The following CDHR4 variants were observed in gnomAD, a reference collection of about 807,000 sequenced individuals.
CDHR4 encodes cadherin-related family member 4.
In CDHR4, 89 loss-of-function variants were observed where a neutral mutation model predicts 88.4. That is an observed-to-expected ratio of 1.01 (90% CI 0.85 to 1.20). CDHR4 has a LOEUF of 1.20. Ranked by LOEUF, CDHR4 falls within the 50% of genes most tolerant of loss-of-function variation. CDHR4 has a pLI of 0.00. For missense variants in CDHR4, 914 were observed against 1,007.2 expected (o/e 0.91, Z 1.25); for synonymous variants, 368 against 399.2 (o/e 0.92, Z 0.93).
chr3:49,802,194 G>A (rs1350387275), upstream of CDHR4, among the ~76,000 whole-genome samples: 1 of 146,380 alleles, frequency 6.8e-6, no homozygotes, highest in Non-Finnish European at 1.5e-5. Flanking sequence ...TTTTTTTTGA[G>A]ACGGAGTCTC....
At position 49,795,622 on chromosome 3, in the gene CDHR4, T is replaced by C; in HGVS notation, c.847+6A>G. ...GTACCTGCCCCCACCCCCCAACACC[T>C]CTCACCACGACCAATGGAGAAGAGT... On this transcript the variant is annotated splice_donor_region_variant and intron_variant, in intron 7 of 18. Transcript: ENST00000412678. This position sits in a 1 kb window ranked among gnomAD's most constrained non-coding sequence, Gnocchi z 5.4. The C allele has an allele frequency of 6.4e-7, 1 of 1,550,998 alleles. No individual in the cohort carries two copies. Among genetic ancestry groups the C allele is most frequent in the Non-Finnish European group, 8.7e-7 (1 of 1,146,794 alleles).
chr3:49,794,876 G>T, intron 9 of CDHR4, 71 bp downstream of exon 9: 1 of 1,535,684 alleles, frequency 6.5e-7, no homozygotes, highest in South Asian at 1.2e-5. Flanking sequence ...TGGTCTCAGA[G>T]ACCCTTGGCC....
At chr3:49,793,376 C>G (rs2081213281) in intron 12 of CDHR4, 65 bp from the exon 13 acceptor site, 3 of 1,518,332 alleles carry the variant, frequency 2.0e-6, no homozygotes, top group Non-Finnish European at 2.7e-6. Context: ...GCCAGCCCCT[C>G]AACTTCTTCT....
upstream of CDHR4, among the ~76,000 whole-genome samples, chr3:49,802,827 C>A (rs149038898): frequency 2.6e-5 from 4 of 152,344 alleles, no homozygotes; most frequent in Non-Finnish European, 5.9e-5. Flanking sequence ...AGTCCTCAGA[C>A]GGGCTGAACC....
At chr3:49,796,773 G>T in intron 5 of CDHR4, 149 bp downstream of exon 5, 1 of 634,770 alleles carries the variant, frequency 1.6e-6, no homozygotes, top group South Asian at 1.8e-5. Flanking sequence ...AAGCTAAGGT[G>T]GGAGGACAGA....
intron 15 of CDHR4, 83 bp from the exon 16 acceptor site, chr3:49,792,042 T>A: frequency 7.3e-7 from 1 of 1,369,564 alleles, no homozygotes; most frequent in Non-Finnish European, 1.0e-6. Context: ...CCCATTCCTT[T>A]ATATTGGGAA....
chr3:49,799,238 T>C lies in CDHR4; in HGVS notation c.240+9A>G. On this transcript the variant is annotated intron_variant, in intron 2 of 18. Coordinates refer to ENST00000412678, the MANE Select transcript of CDHR4 (RefSeq NM_001007540.4). ...CCCCCACAGTCCCCAGCTGTACACATGACCCTACCTTGCCCACATAGGTCC... is the reference window on the plus strand; with the variant it reads ...CCCCCACAGTCCCCAGCTGTACACACGACCCTACCTTGCCCACATAGGTCC... The C allele has an allele frequency of 6.2e-7, 1 of 1,613,250 alleles. No homozygotes were observed. Among genetic ancestry groups the C allele is most frequent in the Admixed American group, 1.7e-5 (1 of 59,960 alleles).
intron 10 of CDHR4, 38 bp downstream of exon 10, chr3:49,794,570 C>A: frequency 6.7e-7 from 1 of 1,495,098 alleles, no homozygotes. Context: ...GACAGAACAG[C>A]CTTGTCCTGG....
chr3:49,794,919 A>T, intron 9 of CDHR4, 28 bp downstream of exon 9: 1 of 1,551,342 alleles, frequency 6.4e-7, no homozygotes, highest in South Asian at 1.2e-5. Context: ...GCACCCTGCA[A>T]GTGGGTCTGG....
chr3:49,799,660 A>G, intron 1 of CDHR4, 104 bp downstream of exon 1: 2 of 1,315,742 alleles, frequency 1.5e-6, no homozygotes, highest in South Asian at 1.3e-5. Context: ...AGATTCTTAC[A>G]CTTTCCTACC....
chr3:49,797,111 C>G (rs998458771), intron 4 of CDHR4, 79 bp from the exon 5 acceptor site: 11 of 1,138,062 alleles, frequency 9.7e-6, no homozygotes, highest in Middle Eastern at 2.2e-4. Flanking sequence ...AGCAGCAACC[C>G]TCCAGCAACC....
Position 49,795,737 on chromosome 3 carries a change from A to C in CDHR4, c.738T>G (p.Pro246=), listed in dbSNP as rs2081261221. ...FLEQAQNITI[P]ENLAPGSEVV... ...CCTCACTACCGGGGGCCAGATTCTCAGGGATGGTGATATTCTGAGCCTGCT... is the reference window on the plus strand; with the variant it reads ...CCTCACTACCGGGGGCCAGATTCTCCGGGATGGTGATATTCTGAGCCTGCT... The change falls in exon 7 of 19, where the codon CCT becomes CCG. Residue 246 remains proline (P), a synonymous_variant. Transcript: ENST00000412678. This position sits in a 1 kb window ranked among gnomAD's most constrained non-coding sequence, Gnocchi z 5.4. 1 of 1,551,530 alleles carries C rather than the reference A, an allele frequency of 6.4e-7. No individual in the cohort carries two copies. Among genetic ancestry groups the C allele is most frequent in the African/African-American group, 1.4e-5 (1 of 73,024 alleles).
At position 49,799,246 on chromosome 3, in the gene CDHR4, C is replaced by A. The variant is rs1345925622; in HGVS notation, c.240+1G>T. ...GTCCCCAGCTGTACACATGACCCTA[C>A]CTTGCCCACATAGGTCCCTTGCCAC... is the stretch of plus-strand genomic sequence containing the variant. On this transcript the variant is annotated splice_donor_variant, in intron 2 of 18. Transcript: ENST00000412678. LOFTEE classifies it high-confidence loss of function. 2 of 1,613,378 alleles carry A rather than the reference C, an allele frequency of 1.2e-6. No individual in the cohort carries two copies. The highest frequency in any genetic ancestry group is 1.1e-5 in the South Asian group (1 of 90,976).
chr3:49,799,410 T>C lies in CDHR4; in HGVS notation c.77A>G (p.Asn26Ser). The C allele has an allele frequency of 6.8e-6, 11 of 1,606,144 alleles. No individual in the cohort carries two copies. Among genetic ancestry groups the C allele is most frequent in the Non-Finnish European group, 9.3e-6 (11 of 1,176,494 alleles). The change falls in exon 2 of 19, where the codon AAT becomes AGT. Residue 26 changes from asparagine to serine, a missense_variant. Asn to Ser is a conservative substitution (Grantham distance 46, BLOSUM62 1). Transcript: ENST00000412678. ...SDLCSLPCFI[N>S]VSESQGPGTV... is the part of the protein sequence containing the mutation. ...GCCAGGGCCCTGGCTCTCAGAGACA[T>C]TTATAAAGCAGGGCAGGCTGCAGAG...
rs185423439 is a variant in CDHR4, at chr3:49,798,567, G to A, written c.495+259C>T. ...CGCGCCACTGCACTCCAGCCTGGACGACAGAGCAAGACTCCGTCTCAAAAA... is the reference window on the plus strand; with the variant it reads ...CGCGCCACTGCACTCCAGCCTGGACAACAGAGCAAGACTCCGTCTCAAAAA... On this transcript the variant is annotated intron_variant, in intron 4 of 18. Coordinates refer to ENST00000412678, the MANE Select transcript of CDHR4 (RefSeq NM_001007540.4). 2.3e-3 allele frequency: 1,139 copies of A among 499,896 alleles called. 15 individuals carry two copies. In the African/African-American group the frequency reaches 0.023, roughly 10 times the overall value. The allele number at this position is 499,896 out of a possible 1,614,324, so 31.0% of individuals were successfully genotyped here.
intron 10 of CDHR4, 63 bp downstream of exon 10, chr3:49,794,545 C>G: frequency 7.6e-7 from 1 of 1,315,970 alleles, no homozygotes; most frequent in Non-Finnish European, 1.1e-6. Flanking sequence ...CTGTCCTGAG[C>G]ATGGGAAGCG....
intron 14 of CDHR4, 97 bp downstream of exon 14, chr3:49,792,757 A>C: frequency 6.9e-7 from 1 of 1,455,922 alleles, no homozygotes; most frequent in Non-Finnish European, 9.2e-7. Flanking sequence ...CTTCCCTCTG[A>C]ACTGCCTTCC....
At position 49,798,998 on chromosome 3, in the gene CDHR4, G is replaced by T; in HGVS notation, c.399C>A (p.Ser133Arg). Residue 133 changes from serine to arginine, a missense_variant, in exon 3 of 19, where the codon AGC becomes AGA. Transcript: ENST00000412678. ...SHIQCAGQFA[S>R]PAGEMIQVPE... The stretch of plus-strand genomic sequence containing the variant: ...GCCGGCTGCCCCTGGCCTCACCTGG[G>T]CTGGCAAATTGACCAGCACACTGGA... The T allele has an allele frequency of 1.2e-6, 2 of 1,609,544 alleles. No individual in the cohort carries two copies. Among genetic ancestry groups the T allele is most frequent in the Non-Finnish European group, 1.7e-6 (2 of 1,178,156 alleles).
At position 49,799,173 on chromosome 3, in the gene CDHR4, G is replaced by A. The variant is rs1186703854; in HGVS notation, c.241-17C>T. ...CAAGGTCAACTGGGGTGGGTGGACAGTGCCATGTGGGGCTTGGAAATTTTA... is the reference window on the plus strand; with the variant it reads ...CAAGGTCAACTGGGGTGGGTGGACAATGCCATGTGGGGCTTGGAAATTTTA... On this transcript the variant is annotated splice_polypyrimidine_tract_variant and intron_variant, in intron 2 of 18. Transcript: ENST00000412678. 1.3e-6 allele frequency: 2 copies of A among 1,589,598 alleles called. No homozygotes were observed. The highest frequency in any genetic ancestry group is 2.3e-5 in the South Asian group (2 of 87,380).
Sources: gnomAD v4.1 joint callset for allele counts (sites outside exome capture counted in the v4.1 genomes callset) on GRCh38, gnomAD v4.1.1 for gene constraint, Gnocchi (gnomAD v3.1) non-coding constraint, MANE v1.5 for transcripts, NCBI Gene and HGNC (gene_info 2026-07-23, HGNC 2026-07-21) for gene names.